The following SPINK8 variants were observed in gnomAD, a reference collection of about 807,000 sequenced individuals.
SPINK8 encodes serine protease inhibitor Kazal-type 8.
Under a neutral mutation model 14.4 loss-of-function variants are expected in SPINK8, and 12 were observed. That is an observed-to-expected ratio of 0.83 (90% CI 0.53 to 1.35). The LOEUF is 1.35. Ranked by LOEUF, SPINK8 falls within the 40% of genes most tolerant of loss-of-function variation. The probability of loss-of-function intolerance (pLI) is 0.00; values close to 1 mark genes in which losing one functional copy is unlikely to be tolerated. For missense variants in SPINK8, 103 were observed against 117.0 expected (o/e 0.88, Z 0.55); for synonymous variants, 32 against 37.6 (o/e 0.85, Z 0.55).
Position 48,328,185 on chromosome 3 carries a change from C to T in SPINK8, c.67+90G>A, listed in dbSNP as rs973045270. On this transcript the variant is annotated intron_variant, in intron 4 of 7. Transcript: ENST00000434006. ...CATGAGAAATTAGGATTAAATAAAA[C>T]TGAACAGCACTTCCACTTCCATCTC... 6 of 1,019,420 alleles carry T rather than the reference C, an allele frequency of 5.9e-6. No homozygotes were observed. The African/African-American group carries it at 6.5e-5, about 11-fold the overall frequency. The allele number at this position is 1,019,420 out of a possible 1,614,324, so 63.1% of individuals were successfully genotyped here.
At chr3:48,329,061 G>A (rs983177115) in intron 3 of SPINK8, among the ~76,000 whole-genome samples, 92 bp downstream of exon 3, 1 of 151,978 alleles carries the variant, frequency 6.6e-6, no homozygotes, top group Non-Finnish European at 1.5e-5. Flanking sequence ...TCTATATCGA[G>A]GTAATTTCTA....
intron 2 of SPINK8, among the ~76,000 whole-genome samples, chr3:48,330,030 A>G (rs2036229964): frequency 6.6e-6 from 1 of 152,204 alleles, no homozygotes; most frequent in African/African-American, 2.4e-5. Context: ...TAAATTCCTC[A>G]GGTCTAAGTC....
intron 1 of SPINK8, among the ~76,000 whole-genome samples, 49 bp from the exon 2 acceptor site, chr3:48,332,520 T>A (rs1193291978): frequency 6.6e-6 from 1 of 152,170 alleles, no homozygotes. Flanking sequence ...TCTTCCTAGT[T>A]TTTCTTAGTC....
chr3:48,332,664 A>G (rs1228739399), intron 1 of SPINK8, among the ~76,000 whole-genome samples, 193 bp from the exon 2 acceptor site: 5 of 152,084 alleles, frequency 3.3e-5, no homozygotes, highest in African/African-American at 9.7e-5. Flanking sequence ...TTGTCATCCT[A>G]TCATTGACCT....
At chr3:48,323,070 A>G (rs1426565219) in intron 4 of SPINK8, among the ~76,000 whole-genome samples, 1 of 152,174 alleles carries the variant, frequency 6.6e-6, no homozygotes, top group Non-Finnish European at 1.5e-5. Context: ...CATCTTTGCT[A>G]ACATTTGTTA....
At chr3:48,331,704 A>G (rs1037339522) in intron 2 of SPINK8, among the ~76,000 whole-genome samples, 2 of 152,208 alleles carry the variant, frequency 1.3e-5, no homozygotes, top group African/African-American at 4.8e-5. Flanking sequence ...TTCAGGCATA[A>G]TTAGAAAGGT....
Position 48,331,684 on chromosome 3 carries a change from G to A in SPINK8, c.-136+682C>T, listed in dbSNP as rs565081205. On this transcript the variant is annotated intron_variant, in intron 2 of 7. Coordinates refer to ENST00000434006, the MANE Select transcript of SPINK8 (RefSeq NM_001080525.3). ...GCTAGAATGTCTCTCCCTAACAAGG[G>A]AATGGGGCTTTCAGGCATAATTAGA... Among the ~76,000 whole-genome samples, 176 of 152,268 alleles carry A rather than the reference G, an allele frequency of 1.2e-3. 2 individuals carry two copies. The highest frequency in any genetic ancestry group is 2.0e-3 in the Non-Finnish European group (135 of 68,018).
At chr3:48,319,724 A>T in intron 5 of SPINK8, 106 bp from the exon 6 acceptor site, 1 of 1,480,376 alleles carries the variant, frequency 6.8e-7, no homozygotes, top group Non-Finnish European at 9.1e-7. Context: ...CCAGATCAGG[A>T]GTTCAGAGAA....
At chr3:48,317,904 C>T (rs2036015351) in intron 6 of SPINK8, among the ~76,000 whole-genome samples, 3 of 152,066 alleles carry the variant, frequency 2.0e-5, no homozygotes, top group Non-Finnish European at 4.4e-5. Flanking sequence ...CCATGCCTGG[C>T]TAATTTTTTA....
At chr3:48,324,481 C>T (rs1054924895) in intron 4 of SPINK8, among the ~76,000 whole-genome samples, 1 of 152,024 alleles carries the variant, frequency 6.6e-6, no homozygotes, top group African/African-American at 2.4e-5. Flanking sequence ...TTTCTCTTGC[C>T]TAATTACCCT....
chr3:48,325,993 T>G (rs2036135770), intron 4 of SPINK8, among the ~76,000 whole-genome samples: 1 of 151,192 alleles, frequency 6.6e-6, no homozygotes, highest in South Asian at 2.1e-4. Context: ...TCAGTCTGCC[T>G]CACCTGGGAT....
At position 48,333,539 on chromosome 3, in the gene SPINK8, G is replaced by A. The variant is rs370914406; in HGVS notation, c.-246C>T. ...TATCAGATTAGTTACACTCACCGAT[G>A]TAGCAGTCCTGCACCTGTTTTCCTG... is the stretch of plus-strand genomic sequence containing the variant. On this transcript the variant is annotated 5_prime_UTR_variant, in exon 1 of 8. Transcript: ENST00000434006. 1.1e-3 allele frequency among the ~76,000 whole-genome samples: 165 copies of A among 152,276 alleles called. 1 individual carries two copies. Among genetic ancestry groups the A allele is most frequent in the African/African-American group, 3.9e-3 (160 of 41,544 alleles).
intron 4 of SPINK8, among the ~76,000 whole-genome samples, chr3:48,326,706 C>T (rs992743915): frequency 6.6e-6 from 1 of 151,888 alleles, no homozygotes; most frequent in African/African-American, 2.4e-5. Context: ...GTCAGGTGTT[C>T]GAGACCACCC....
chr3:48,314,415 G>A (rs559641430), intron 6 of SPINK8, among the ~76,000 whole-genome samples: 11 of 151,972 alleles, frequency 7.2e-5, no homozygotes, highest in African/African-American at 2.7e-4. Context: ...TAAGAATAGT[G>A]AGTTTCATGG....
At position 48,306,924 on chromosome 3, in the gene SPINK8, G is replaced by A. The variant is rs766477893; in HGVS notation, c.*68C>T. The A allele has an allele frequency of 4.6e-6, 7 of 1,533,596 alleles. No homozygotes were observed. Among genetic ancestry groups the A allele is most frequent in the Admixed American group, 1.7e-5 (1 of 57,552 alleles). The allele number at this position is 1,533,596 out of a possible 1,614,324, so 95.0% of individuals were successfully genotyped here. A position where few individuals can be genotyped will look rare whatever the true frequency, so the allele number is the denominator to read the frequency against. ...AGTAATTAAAGGGGATATATTTGAA[G>A]AGGCAACCATTGTGTTTCACTTGGC... On this transcript the variant is annotated 3_prime_UTR_variant, in exon 8 of 8. Coordinates refer to ENST00000434006, the MANE Select transcript of SPINK8 (RefSeq NM_001080525.3).
At chr3:48,315,734 A>AAAAAAAAAAAC (rs1398559421) in intron 6 of SPINK8, among the ~76,000 whole-genome samples, 1 of 150,178 alleles carries the variant, frequency 6.7e-6, no homozygotes, top group African/African-American at 2.4e-5. Flanking sequence ...AAAAAAAAAA[A>AAAAAAAAAAAC]AAAAAAAAAA....
intron 4 of SPINK8, among the ~76,000 whole-genome samples, chr3:48,325,840 T>G (rs1234887201): frequency 6.6e-6 from 1 of 151,892 alleles, no homozygotes; most frequent in East Asian, 1.9e-4. Flanking sequence ...TCAGGTGATC[T>G]GCCCGCCTTG....
chr3:48,307,286 A>C (rs1347658498), intron 7 of SPINK8, among the ~76,000 whole-genome samples: 1 of 152,140 alleles, frequency 6.6e-6, no homozygotes, highest in Admixed American at 6.6e-5. Context: ...GACATGAAGC[A>C]GGGTCCTGGC....
chr3:48,320,912 T>C (rs1575344643), intron 5 of SPINK8, 113 bp downstream of exon 5: 7 of 1,000,180 alleles, frequency 7.0e-6, no homozygotes, highest in African/African-American at 1.6e-5. Flanking sequence ...TGTTCTGTTA[T>C]TCCCATGCAA....
Sources: allele counts gnomAD v4.1 joint callset (sites outside exome capture counted in the v4.1 genomes callset), GRCh38; gene constraint gnomAD v4.1.1; transcripts MANE v1.5; gene names NCBI Gene and HGNC (gene_info 2026-07-23, HGNC 2026-07-21).